Variants in SKAP2 observed in about 807,000 individuals in gnomAD.
SKAP2 encodes the protein src kinase associated phosphoprotein 2.
Under a neutral mutation model 54.9 loss-of-function variants are expected in SKAP2, and 28 were observed. That is an observed-to-expected ratio of 0.51 (90% CI 0.38 to 0.70). The LOEUF is 0.70. Among genes scored for constraint, SKAP2 ranks in the 30% least tolerant of loss-of-function variants. The pLI, the probability that SKAP2 is intolerant of heterozygous loss-of-function variation, is 0.00. For missense variants in SKAP2, 356 were observed against 424.1 expected, an observed-to-expected ratio of 0.84 and a Z score of 1.41; for synonymous variants, 137 against 134.3, an observed-to-expected ratio of 1.02 and a Z score of -0.14.
At chr7:26,856,148 T>A (rs1432237289) in intron 1 of SKAP2, among the ~76,000 whole-genome samples, 10 of 152,090 alleles carry the variant, frequency 6.6e-5, no homozygotes, top group Admixed American at 3.9e-4. Context: ...AATTTTTCAC[T>A]AAGTCAATAT....
intron 1 of SKAP2, among the ~76,000 whole-genome samples, chr7:26,863,350 G>A (rs1288813974): frequency 6.6e-6 from 1 of 152,022 alleles, no homozygotes; most frequent in Non-Finnish European, 1.5e-5. Flanking sequence ...TTATTCATAA[G>A]CAATACTGAG....
intron 4 of SKAP2, among the ~76,000 whole-genome samples, chr7:26,782,856 A>T (rs1360637725): frequency 6.6e-6 from 1 of 152,186 alleles, no homozygotes; most frequent in Non-Finnish European, 1.5e-5. Flanking sequence ...AGCCCTCACC[A>T]GACATCTTGA....
chr7:26,767,554 G>A (rs1338680863), intron 4 of SKAP2, among the ~76,000 whole-genome samples: 2 of 152,048 alleles, frequency 1.3e-5, no homozygotes, highest in South Asian at 4.1e-4. Flanking sequence ...TGTGATGTTA[G>A]GTTGTCGATT....
intron 11 of SKAP2, among the ~76,000 whole-genome samples, chr7:26,672,163 A>C (rs1786257429): frequency 6.6e-6 from 1 of 152,054 alleles, no homozygotes; most frequent in South Asian, 2.1e-4. Context: ...AATGGCCCTC[A>C]ATCTGGGGGT....
chr7:26,808,506 T>C (rs1584402148), intron 4 of SKAP2, among the ~76,000 whole-genome samples: 1 of 152,020 alleles, frequency 6.6e-6, no homozygotes, highest in African/African-American at 2.4e-5. Context: ...GGATACAGAG[T>C]TTCCGTTTAC....
intron 9 of SKAP2, among the ~76,000 whole-genome samples, chr7:26,690,919 T>A (rs1786767584): frequency 6.6e-6 from 1 of 152,156 alleles, no homozygotes; most frequent in South Asian, 2.1e-4. Context: ...ATTTCATACG[T>A]TTTCTCAATC....
At chr7:26,780,498 G>C (rs1362007612) in intron 4 of SKAP2, among the ~76,000 whole-genome samples, 1 of 152,042 alleles carries the variant, frequency 6.6e-6, no homozygotes, top group African/African-American at 2.4e-5. Context: ...CTTGAAAGCA[G>C]TCACAGATAA....
intron 4 of SKAP2, among the ~76,000 whole-genome samples, chr7:26,841,538 T>C (rs922747325): frequency 2.6e-5 from 4 of 152,062 alleles, no homozygotes; most frequent in African/African-American, 9.7e-5. Flanking sequence ...TGAATTTCAT[T>C]AGAAGATATA....
chr7:26,778,587 CAA>C (rs1397497120), intron 4 of SKAP2, among the ~76,000 whole-genome samples: 1 of 151,986 alleles, frequency 6.6e-6, no homozygotes, highest in East Asian at 1.9e-4. Flanking sequence ...GCACATTGGT[CAA>C]AGTCATTAGT....
At chr7:26,783,589 C>T (rs1584387442) in intron 4 of SKAP2, among the ~76,000 whole-genome samples, 1 of 152,100 alleles carries the variant, frequency 6.6e-6, no homozygotes, top group East Asian at 1.9e-4. Flanking sequence ...ATTGGAAATC[C>T]CACCTATAGG....
At chr7:26,770,147 C>T (rs907924346) in intron 4 of SKAP2, among the ~76,000 whole-genome samples, 8 of 152,144 alleles carry the variant, frequency 5.3e-5, no homozygotes, top group Admixed American at 1.3e-4. Context: ...CCAGAGATGC[C>T]CTGCCCAGAG....
chr7:26,726,651 T>C (rs945653729), intron 7 of SKAP2: 16 of 351,894 alleles, frequency 4.5e-5, no homozygotes, highest in African/African-American at 6.5e-5. Flanking sequence ...TGTGAAGTAA[T>C]TGATAAATTA....
At chr7:26,718,255 GA>G (rs1787503930) in intron 9 of SKAP2, among the ~76,000 whole-genome samples, 1 of 151,746 alleles carries the variant, frequency 6.6e-6, no homozygotes, top group Non-Finnish European at 1.5e-5. Context: ...TAGGGGAGAG[GA>G]ATGAGAAAAT....
chr7:26,700,439 A>G (rs1326586849), intron 9 of SKAP2, among the ~76,000 whole-genome samples: 1 of 152,190 alleles, frequency 6.6e-6, no homozygotes, highest in African/African-American at 2.4e-5. Flanking sequence ...GGGATACCAG[A>G]TACGCTTTTC....
At chr7:26,854,704 A>T (rs1341612397) in intron 2 of SKAP2, 81 bp downstream of exon 2, 15 of 1,375,030 alleles carry the variant, frequency 1.1e-5, no homozygotes, top group Non-Finnish European at 1.5e-5. Flanking sequence ...TTAACTCCAT[A>T]ATAATCGATT....
At chr7:26,815,793 A>C (rs1053818207) in intron 4 of SKAP2, among the ~76,000 whole-genome samples, 8 of 152,138 alleles carry the variant, frequency 5.3e-5, no homozygotes, top group South Asian at 2.1e-4. Context: ...AGTAGCCCCA[A>C]ACTTAGTTGG....
chr7:26,677,675 T>TA (rs1366400679), intron 11 of SKAP2, among the ~76,000 whole-genome samples: 1 of 152,234 alleles, frequency 6.6e-6, no homozygotes, highest in Admixed American at 6.5e-5. Context: ...TCTCCAGGAC[T>TA]ACAACACTGA....
intron 4 of SKAP2, among the ~76,000 whole-genome samples, chr7:26,810,041 T>C (rs640512): frequency 0.55 from 83,682 of 151,972 alleles, 23,442 homozygotes; most frequent in East Asian, 0.86. Context: ...TTATATGTAG[T>C]GTTAAAAAGT....
At chr7:26,740,151 T>TAAAAAAAAA (rs60264987) in intron 4 of SKAP2, among the ~76,000 whole-genome samples, 187 bp from the exon 5 acceptor site, 1 of 129,850 alleles carries the variant, frequency 7.7e-6, no homozygotes, top group African/African-American at 2.8e-5. Flanking sequence ...GTCTCAAAAG[T>TAAAAAAAAA]AAAAAAAAAA....
Sources: allele counts gnomAD v4.1 joint callset (sites outside exome capture counted in the v4.1 genomes callset), GRCh38; gene constraint gnomAD v4.1.1; transcripts MANE v1.5; gene names NCBI Gene and HGNC (gene_info 2026-07-23, HGNC 2026-07-21).